The following ZBED6 variants were observed in gnomAD, a reference collection of about 807,000 sequenced individuals.
The protein encoded by ZBED6 is zinc finger BED-type containing 6, also known as zinc finger BED domain-containing protein 6.
Under a neutral mutation model 58.4 loss-of-function variants are expected in ZBED6, and 40 were observed. That is an observed-to-expected ratio of 0.68 (90% CI 0.53 to 0.89). The LOEUF (loss-of-function observed/expected upper bound fraction) is 0.89, where lower values mean the gene tolerates loss of function less well. Among genes scored for constraint, ZBED6 ranks in the 40% least tolerant of loss-of-function variants. The pLI is 0.00. For missense variants in ZBED6, 1,057 were observed against 1,003.9 expected, an observed-to-expected ratio of 1.05 and a Z score of -0.71; for synonymous variants, 439 against 350.6, an observed-to-expected ratio of 1.25 and a Z score of -2.82.
In ZBED6 at chr1:203,813,683, G is replaced by A. The variant is rs931414766; in HGVS notation, c.*2555-3243G>A. Among the ~76,000 whole-genome samples the A allele has an allele frequency of 2.0e-5, 3 of 151,958 alleles. No homozygotes were observed. In the East Asian group the frequency reaches 5.8e-4, roughly 29 times the overall value. On this transcript the variant is annotated intron_variant, in intron 1 of 16. Coordinates refer to ENST00000550078, the Ensembl canonical transcript of ZBED6. The stretch of plus-strand genomic sequence containing the variant: ...GAGATGTCTAAAATGTTTTCAGCAG[G>A]GCCATTCTCCCTCTGAAGCCTGTAG...
At chr1:203,833,888 A>G (rs6694647) in intron 9 of ZBED6, 35 bp downstream of exon 9, 1,578,298 of 1,584,264 alleles carry the variant, frequency 1, 786,369 homozygotes, top group East Asian at 1. Context: ...TTTCTTTTCT[A>G]CTTGTTTGTG....
chr1:203,847,291 G>A (rs771938050), exon 12 of ZBED6: 16 of 1,613,828 alleles, frequency 9.9e-6, no homozygotes, highest in Non-Finnish European at 1.3e-5. Context: ...CAAGACAGAA[G>A]GACCTTCAAA....
At chr1:203,835,443 G>A (rs963308252) in intron 9 of ZBED6, 1 of 154,104 alleles carries the variant, frequency 6.5e-6, no homozygotes, top group Non-Finnish European at 1.4e-5. Context: ...AGACAGAAAT[G>A]AGGCAGTCTT....
intron 11 of ZBED6, among the ~76,000 whole-genome samples, chr1:203,842,332 T>C (rs985646564): frequency 1.3e-5 from 2 of 152,134 alleles, no homozygotes; most frequent in African/African-American, 4.8e-5. Context: ...TGAGCGAGAC[T>C]CCGTCTGCAA....
exon 1 of ZBED6, chr1:203,802,195 A>C (rs80226387): frequency 0.017 from 2,597 of 152,700 alleles, 31 homozygotes; most frequent in Non-Finnish European, 0.028. Context: ...CTCCCTGATG[A>C]CGATGATGGA....
chr1:203,808,242 CTT>C (rs35762392), intron 1 of ZBED6, among the ~76,000 whole-genome samples: 19,164 of 152,160 alleles, frequency 0.13, 1,570 homozygotes, highest in East Asian at 0.29. Flanking sequence ...TCATAATCTC[CTT>C]TACATTCTGG....
chr1:203,848,822 A>AT (rs554775972), intron 13 of ZBED6, among the ~76,000 whole-genome samples: 125 of 152,166 alleles, frequency 8.2e-4, no homozygotes, highest in African/African-American at 2.6e-3. Context: ...TGGAAATTTT[A>AT]TTTTTTTTAA....
chr1:203,797,527 G>T (rs1341455719), exon 1 of ZBED6: 8 of 1,509,648 alleles, frequency 5.3e-6, no homozygotes, highest in Non-Finnish European at 7.0e-6. Context: ...AAGAGAATGA[G>T]TGTATGTACT....
At chr1:203,797,587 T>A (rs571447613) in exon 1 of ZBED6, 2 of 1,534,332 alleles carry the variant, frequency 1.3e-6, no homozygotes, top group South Asian at 1.2e-5. Flanking sequence ...TGCAACACTT[T>A]TAGTGATTCT....
intron 1 of ZBED6, among the ~76,000 whole-genome samples, chr1:203,811,265 G>T (rs11240553): frequency 0.11 from 16,943 of 152,030 alleles, 1,177 homozygotes; most frequent in Non-Finnish European, 0.15. Flanking sequence ...CTGAGGTCGT[G>T]CCATTGCACT....
intron 3 of ZBED6, among the ~76,000 whole-genome samples, chr1:203,822,517 G>A (rs974886795): frequency 5.9e-5 from 9 of 152,148 alleles, no homozygotes; most frequent in African/African-American, 2.2e-4. Context: ...GTGAGATGCT[G>A]TCCTGACCCT....
chr1:203,806,253 A>G, intron 1 of ZBED6: 1 of 341,510 alleles, frequency 2.9e-6, no homozygotes, highest in Non-Finnish European at 5.7e-6. Context: ...TTTCCTGAAG[A>G]ATCAGTTTAT....
At chr1:203,851,605 C>T (rs140967540) in intron 16 of ZBED6, among the ~76,000 whole-genome samples, 2,566 of 152,238 alleles carry the variant, frequency 0.017, 67 homozygotes, top group African/African-American at 0.054. Context: ...GCTGGGATTA[C>T]AGGCATGAGC....
chr1:203,813,833 C>T (rs1675325680), intron 1 of ZBED6, among the ~76,000 whole-genome samples: 1 of 151,986 alleles, frequency 6.6e-6, no homozygotes, highest in Non-Finnish European at 1.5e-5. Context: ...CATCACATTC[C>T]CTCTGTACAT....
chr1:203,797,572 G>A, exon 1 of ZBED6: 1 of 1,532,092 alleles, frequency 6.5e-7, no homozygotes, highest in Non-Finnish European at 8.7e-7. Context: ...TCTCCTGGCA[G>A]AAGATGCAAC....
At chr1:203,850,989 A>C in intron 15 of ZBED6, 68 bp from the exon 16 acceptor site, 1 of 1,559,732 alleles carries the variant, frequency 6.4e-7, no homozygotes, top group South Asian at 1.1e-5. Flanking sequence ...AAGGCAGCAA[A>C]AGAAAATGAA....
intron 10 of ZBED6, 145 bp downstream of exon 10, chr1:203,838,209 A>G (rs1450658316): frequency 1.2e-6 from 1 of 805,302 alleles, no homozygotes; most frequent in East Asian, 2.7e-5. Flanking sequence ...CAAACATTTG[A>G]TCCTTAGTCT....
At chr1:203,803,229 T>TC (rs1292105278) in intron 1 of ZBED6, among the ~76,000 whole-genome samples, 2 of 152,198 alleles carry the variant, frequency 1.3e-5, no homozygotes, top group Non-Finnish European at 2.9e-5. Context: ...TTTACTCTTG[T>TC]CCCCTAGGCT....
At chr1:203,805,143 ATTTT>A (rs148879848) in intron 1 of ZBED6, among the ~76,000 whole-genome samples, 5 of 131,444 alleles carry the variant, frequency 3.8e-5, no homozygotes, top group Non-Finnish European at 5.0e-5. Context: ...TACAGTAGTG[ATTTT>A]TTTTTTTTTT....
Sources: allele counts gnomAD v4.1 joint callset (sites outside exome capture counted in the v4.1 genomes callset), GRCh38; gene constraint gnomAD v4.1.1; transcripts MANE v1.5; gene names NCBI Gene and HGNC (gene_info 2026-07-23, HGNC 2026-07-21).